Variants in ACER3 observed in about 807,000 individuals in gnomAD.
ACER3 encodes the protein alkCDase 3.
Under a neutral mutation model 48.9 loss-of-function variants are expected in ACER3, and 16 were observed. The ratio of observed to expected loss-of-function variants is 0.33; its 90% CI spans 0.22 to 0.50. The LOEUF (loss-of-function observed/expected upper bound fraction) is 0.50, where lower values mean the gene tolerates loss of function less well. Ranked by LOEUF, ACER3 falls within the 20% of genes least tolerant of loss-of-function variation. ACER3 has a pLI of 0.98. For synonymous variants in ACER3, 109 were observed against 107.8 expected (o/e 1.01, Z -0.07); for missense variants, 227 against 326.0 (o/e 0.70, Z 2.34).
chr11:76,954,082 G>C (rs1180389720), intron 2 of ACER3, among the ~76,000 whole-genome samples: 2 of 151,714 alleles, frequency 1.3e-5, no homozygotes, highest in African/African-American at 2.4e-5. Flanking sequence ...CAAGTAGTTG[G>C]GATTACAGGC....
At chr11:76,910,460 G>C (rs1314055179) in intron 1 of ACER3, among the ~76,000 whole-genome samples, 1 of 151,928 alleles carries the variant, frequency 6.6e-6, no homozygotes, top group Non-Finnish European at 1.5e-5. Flanking sequence ...TCTCATTGTA[G>C]AATAAACTCT....
At chr11:76,936,091 G>A (rs1014878228) in intron 2 of ACER3, among the ~76,000 whole-genome samples, 11 of 152,196 alleles carry the variant, frequency 7.2e-5, no homozygotes, top group South Asian at 2.1e-4. Context: ...CTGGACTTAC[G>A]GTTCCACATG....
chr11:76,930,957 G>A (rs2134842939), intron 2 of ACER3, among the ~76,000 whole-genome samples: 1 of 150,836 alleles, frequency 6.6e-6, no homozygotes, highest in East Asian at 1.9e-4. Context: ...TTGGGGTGGA[G>A]AGTTCTGTAG....
intron 6 of ACER3, among the ~76,000 whole-genome samples, chr11:76,997,679 G>A (rs199995700): frequency 2.6e-5 from 4 of 151,564 alleles, no homozygotes; most frequent in Admixed American, 2.6e-4. Flanking sequence ...ATACTAAAAA[G>A]AAAAAAAATT....
At chr11:76,985,278 T>A (rs1369591661) in intron 4 of ACER3, among the ~76,000 whole-genome samples, 2 of 152,268 alleles carry the variant, frequency 1.3e-5, no homozygotes, top group East Asian at 3.9e-4. Context: ...AATTATTTTA[T>A]TTTTTGTGGA....
At chr11:76,998,575 C>G (rs1355248899) in intron 6 of ACER3, 188 bp from the exon 7 acceptor site, 2 of 507,446 alleles carry the variant, frequency 3.9e-6, no homozygotes, top group African/African-American at 4.1e-5. Context: ...TAAGCAGACT[C>G]TTAACTTTTC....
intron 3 of ACER3, among the ~76,000 whole-genome samples, chr11:76,972,728 G>A (rs911358443): frequency 7.9e-5 from 12 of 152,148 alleles, no homozygotes; most frequent in African/African-American, 2.7e-4. Context: ...CATTCTGAGG[G>A]TGCATGTGTC....
chr11:76,892,776 GTTAAA>G (rs1202610482), intron 1 of ACER3, among the ~76,000 whole-genome samples: 1 of 152,100 alleles, frequency 6.6e-6, no homozygotes, highest in Non-Finnish European at 1.5e-5. Flanking sequence ...AAGAAATTAA[GTTAAA>G]TTAAATAAAT....
chr11:76,955,240 C>T (rs1947806159), intron 2 of ACER3, among the ~76,000 whole-genome samples: 1 of 151,980 alleles, frequency 6.6e-6, no homozygotes, highest in Non-Finnish European at 1.5e-5. Flanking sequence ...AAATCTCACT[C>T]CAAAGTATAT....
At chr11:77,007,655 G>A (rs1161516528) in intron 7 of ACER3, among the ~76,000 whole-genome samples, 1 of 152,236 alleles carries the variant, frequency 6.6e-6, no homozygotes, top group East Asian at 1.9e-4. Context: ...AGGGAAAACA[G>A]TGTCTCATCA....
chr11:76,948,348 G>A (rs1365007750), intron 2 of ACER3, among the ~76,000 whole-genome samples: 3 of 151,628 alleles, frequency 2.0e-5, no homozygotes, highest in Non-Finnish European at 4.4e-5. Context: ...GGTAGATGGG[G>A]AACAATTTAA....
At chr11:77,014,955 T>A in intron 7 of ACER3, 61 bp from the exon 8 acceptor site, 2 of 1,021,072 alleles carry the variant, frequency 2.0e-6, no homozygotes, top group Non-Finnish European at 3.1e-6. Context: ...ATGGCTTCAA[T>A]TTCTGATCGT....
intron 2 of ACER3, among the ~76,000 whole-genome samples, chr11:76,947,478 T>C (rs1454217995): frequency 6.6e-6 from 1 of 152,234 alleles, no homozygotes; most frequent in Admixed American, 6.5e-5. Context: ...ATTTTACGTC[T>C]TATCAAGGAG....
intron 3 of ACER3, among the ~76,000 whole-genome samples, chr11:76,960,182 G>C (rs539510648): frequency 6.6e-5 from 10 of 152,058 alleles, no homozygotes; most frequent in Non-Finnish European, 1.5e-4. Context: ...AGGCGGAGGT[G>C]GGTGGATCAC....
chr11:76,998,889 C>A, intron 7 of ACER3, 68 bp downstream of exon 7: 1 of 1,269,274 alleles, frequency 7.9e-7, no homozygotes, highest in South Asian at 1.5e-5. Context: ...AATCTATAGC[C>A]TAAATCAAAA....
chr11:77,005,987 ATATATTT>A (rs1463040971), intron 7 of ACER3, among the ~76,000 whole-genome samples: 9 of 91,136 alleles, frequency 9.9e-5, no homozygotes, highest in African/African-American at 4.1e-4. Context: ...ATATATATAT[ATATATTT>A]TTTTTTTTTT....
chr11:76,960,721 G>A (rs974339978), intron 3 of ACER3, among the ~76,000 whole-genome samples: 10 of 152,084 alleles, frequency 6.6e-5, no homozygotes, highest in Admixed American at 2.0e-4. Context: ...AGTGTAGGGT[G>A]TCAGAGCCTA....
chr11:76,863,207 A>G (rs2134481823), intron 1 of ACER3, among the ~76,000 whole-genome samples: 1 of 152,352 alleles, frequency 6.6e-6, no homozygotes, highest in East Asian at 1.9e-4. Flanking sequence ...AGCCTGGGCA[A>G]GAGTTAGACC....
At chr11:76,952,133 T>TACAC (rs1467450969) in intron 2 of ACER3, among the ~76,000 whole-genome samples, 8 of 99,482 alleles carry the variant, frequency 8.0e-5, no homozygotes, top group African/African-American at 2.2e-4. Flanking sequence ...ATATTATATA[T>TACAC]ATATATACAC....
Sources: gnomAD v4.1 joint callset for allele counts (sites outside exome capture counted in the v4.1 genomes callset) on GRCh38, gnomAD v4.1.1 for gene constraint, MANE v1.5 for transcripts, NCBI Gene and HGNC (gene_info 2026-07-23, HGNC 2026-07-21) for gene names.